The following ILF2 variants were observed in gnomAD, a reference collection of about 807,000 sequenced individuals.
The protein encoded by ILF2 is interleukin enhancer-binding factor 2.
In ILF2, 9 loss-of-function variants were observed where a neutral mutation model predicts 55.3. That is an observed-to-expected ratio of 0.16 (90% CI 0.10 to 0.28). The LOEUF (loss-of-function observed/expected upper bound fraction) is 0.28. Ranked by LOEUF, ILF2 falls within the 10% of genes least tolerant of loss-of-function variation. ILF2 has a pLI of 1.00. For synonymous variants in ILF2, 151 were observed against 161.8 expected, an observed-to-expected ratio of 0.93 and a Z score of 0.50; for missense variants, 266 against 474.9, an observed-to-expected ratio of 0.56 and a Z score of 4.09.
rs1669220271 is a variant in ILF2 at position 153,663,255 on chromosome 1, T to G, written c.766A>C (p.Asn256His). ...DLLGHYAVMN[N>H]PTRQPLALNV... is the part of the protein sequence containing the mutation. The stretch of plus-strand genomic sequence containing the variant: ...AGGGCCAAAGGCTGTCTGGTGGGGT[T>G]GTTCATCACAGCATAATGGCCCTGA... The change falls in exon 11 of 14, where the codon AAC becomes CAC. Residue 256 changes from asparagine (N) to histidine (H), a missense_variant. Transcript: ENST00000361891. The G allele has an allele frequency of 8.7e-6, 14 of 1,614,074 alleles. No homozygotes were observed. Among genetic ancestry groups the G allele is most frequent in the African/African-American group, 1.3e-5 (1 of 74,922 alleles).
intron 6 of ILF2, 161 bp downstream of exon 6, chr1:153,667,394 C>T: frequency 3.0e-6 from 2 of 657,444 alleles, no homozygotes; most frequent in Non-Finnish European, 5.5e-6. Context: ...GGGAAGATCA[C>T]TTGCTGTAGT....
chr1:153,669,014 G>A (rs1669380211), intron 3 of ILF2, among the ~76,000 whole-genome samples: 1 of 152,062 alleles, frequency 6.6e-6, no homozygotes, highest in Non-Finnish European at 1.5e-5. Flanking sequence ...AGATCAGCCT[G>A]GGCAACATGG....
In ILF2 at chr1:153,662,945, T is replaced by C. The variant is rs1346540566; in HGVS notation, c.921+74A>G. ...AAATTCCTGACCCGTAAAGACCATATTCCGCTTTGCCTGCTGAGCAGCAGT... is the reference window on the plus strand; with the variant it reads ...AAATTCCTGACCCGTAAAGACCATACTCCGCTTTGCCTGCTGAGCAGCAGT... On this transcript the variant is annotated intron_variant, in intron 12 of 13. Coordinates refer to ENST00000361891, the MANE Select transcript of ILF2 (RefSeq NM_004515.4). 16 of 1,399,934 alleles carry C rather than the reference T, an allele frequency of 1.1e-5. No homozygotes were observed. In the East Asian group the frequency reaches 3.7e-4, roughly 32 times the overall value. The allele number at this position is 1,399,934 out of a possible 1,614,324, so 86.7% of individuals were successfully genotyped here.
Position 153,665,260 on chromosome 1 carries a change from T to C in ILF2, c.537A>G (p.Thr179=), listed in dbSNP as rs779062816. The C allele has an allele frequency of 1.2e-6, 2 of 1,612,758 alleles. No individual in the cohort carries two copies. Among genetic ancestry groups the C allele is most frequent in the Non-Finnish European group, 1.7e-6 (2 of 1,178,852 alleles). Residue 179 remains threonine (T), a synonymous_variant, in exon 8 of 14, where the codon ACA becomes ACG. Transcript: ENST00000361891. ...SDATVKILIT[T]VPPNLRKLDP... ...CCAGTTTTCGAAGATTGGGTGGCAC[T>C]GTTGTAATGAGAATCTTCACTGTAG...
Position 153,667,981 on chromosome 1 carries a change from T to G in ILF2, c.291+19A>C. Reference sequence around the variant, plus strand: ...TACCAAAGCTGCCCTTTCCTAAAACTAAATCATCAAAAACTCACCACTTCA... The same window carrying G: ...TACCAAAGCTGCCCTTTCCTAAAACGAAATCATCAAAAACTCACCACTTCA... On this transcript the variant is annotated intron_variant, in intron 5 of 13. Transcript: ENST00000361891. The G allele has an allele frequency of 6.3e-7, 1 of 1,579,688 alleles. No individual in the cohort carries two copies. Among genetic ancestry groups the G allele is most frequent in the Non-Finnish European group, 8.6e-7 (1 of 1,156,654 alleles).
chr1:153,664,848 G>A (rs939240608), intron 8 of ILF2, among the ~76,000 whole-genome samples: 3 of 152,144 alleles, frequency 2.0e-5, no homozygotes, highest in Admixed American at 6.5e-5. Context: ...GTGAGCCACC[G>A]CACCCGACCA....
Position 153,665,257 on chromosome 1 carries a change from C to T in ILF2, c.540G>A (p.Val180=). Residue 180 remains valine, a synonymous_variant, in exon 8 of 14, where the codon GTG becomes GTA. Coordinates refer to ENST00000361891, the MANE Select transcript of ILF2 (RefSeq NM_004515.4). ...GATCCAGTTTTCGAAGATTGGGTGG[C>T]ACTGTTGTAATGAGAATCTTCACTG... The part of the protein sequence containing the change: ...DATVKILITT[V]PPNLRKLDPE... 1 of 1,612,500 alleles carries T rather than the reference C, an allele frequency of 6.2e-7. No homozygotes were observed. The highest frequency in any genetic ancestry group is 8.5e-7 in the Non-Finnish European group (1 of 1,178,534).
intron 10 of ILF2, 88 bp downstream of exon 10, chr1:153,663,955 G>C (rs1669240622): frequency 6.5e-6 from 4 of 615,416 alleles, no homozygotes; most frequent in Non-Finnish European, 1.0e-5. Flanking sequence ...GAATTTCAGA[G>C]TTACTACTAC....
intron 6 of ILF2, 132 bp downstream of exon 6, chr1:153,667,423 G>A (rs1016950429): frequency 2.8e-6 from 2 of 715,616 alleles, no homozygotes; most frequent in Non-Finnish European, 5.1e-6. Context: ...AGGCTGCAGT[G>A]AGCTACAATG....
chr1:153,664,388 G>T lies in ILF2; in HGVS notation c.656+8C>A. 3 of 1,609,174 alleles carry T rather than the reference G, an allele frequency of 1.9e-6. No individual in the cohort carries two copies. The South Asian group carries it at 3.3e-5, about 18-fold the overall frequency. On this transcript the variant is annotated splice_region_variant and intron_variant, in intron 9 of 13. Coordinates refer to ENST00000361891, the MANE Select transcript of ILF2 (RefSeq NM_004515.4). ...TATCTTAATCCAAATGGTTAGAGAG[G>T]GACTCACGTGGACTGAGAAGCATTT...
chr1:153,662,441 T>C lies in ILF2; in HGVS notation c.1128A>G (p.Glu376=), dbSNP rs1231883411. The C allele has an allele frequency of 6.2e-7, 1 of 1,612,368 alleles. No homozygotes were observed. The highest frequency in any genetic ancestry group is 2.2e-5 in the East Asian group (1 of 44,892). ...EGEEEEENTE[E]PPQGEEEESM... ...TTTCTTCTTCCTCTCCTTGAGGTGGTTCTTCTGTATTCTCCTCTTCTTCCT... is the reference window on the plus strand; with the variant it reads ...TTTCTTCTTCCTCTCCTTGAGGTGGCTCTTCTGTATTCTCCTCTTCTTCCT... Residue 376 remains glutamate, a synonymous_variant, in exon 14 of 14, where the codon GAA becomes GAG. Transcript: ENST00000361891.
At position 153,668,099 on chromosome 1, in the gene ILF2, T is replaced by A. The variant is rs774447713; in HGVS notation, c.214-22A>T. ...ATGCCTGAAAAACAGTATGAAACAA[T>A]ACTTGAAAATGAAAAATTATAAGCA... On this transcript the variant is annotated intron_variant, in intron 4 of 13. Coordinates refer to ENST00000361891, the MANE Select transcript of ILF2 (RefSeq NM_004515.4). 3 of 1,520,552 alleles carry A rather than the reference T, an allele frequency of 2.0e-6. No individual in the cohort carries two copies. The African/African-American group carries it at 4.2e-5, about 21-fold the overall frequency. The allele number at this position is 1,520,552 out of a possible 1,614,324, so 94.2% of individuals were successfully genotyped here.
At chr1:153,670,851 T>C in intron 1 of ILF2, 67 bp downstream of exon 1, 3 of 1,601,320 alleles carry the variant, frequency 1.9e-6, no homozygotes, top group Non-Finnish European at 2.6e-6. Context: ...TCCGACTTCT[T>C]TCGGCCCACG....
rs200078911 is a variant in ILF2 at position 153,670,956 on chromosome 1, C to T, written c.-34G>A. ...AAAACACGAACAATGGAGGCCGCAC[C>T]AACCGCCCCTTCCTCTGAGTAGCAG... On this transcript the variant is annotated 5_prime_UTR_variant, in exon 1 of 14. Transcript: ENST00000361891. 4 of 1,614,004 alleles carry T rather than the reference C, an allele frequency of 2.5e-6. No homozygotes were observed. The highest frequency in any genetic ancestry group is 2.7e-5 in the African/African-American group (2 of 74,920).
At chr1:153,663,669 A>C (rs1449866785) in intron 10 of ILF2, among the ~76,000 whole-genome samples, 2 of 152,084 alleles carry the variant, frequency 1.3e-5, no homozygotes, top group Non-Finnish European at 2.9e-5. Flanking sequence ...GTCTAAGTCT[A>C]GCCAAAATTT....
intron 8 of ILF2, 137 bp from the exon 9 acceptor site, chr1:153,664,611 G>A (rs915047235): frequency 2.7e-5 from 19 of 691,654 alleles, no homozygotes; most frequent in African/African-American, 1.1e-4. Context: ...GCTGGATTGC[G>A]TACAGTGGCG....
Position 153,663,062 on chromosome 1 carries a change from C to G in ILF2, c.878G>C (p.Ser293Thr). Residue 293 changes from serine to threonine, a missense_variant, in exon 12 of 14, where the codon AGT becomes ACT. Coordinates refer to ENST00000361891, the MANE Select transcript of ILF2 (RefSeq NM_004515.4). ...GACTGTGTGTACTCTAAAGTTGCCA[C>G]TCTCACAGGGGTCAGTGATACCCAC... ...GSVGITDPCE[S>T]GNFRVHTVMT... 1 of 1,614,150 alleles carries G rather than the reference C, an allele frequency of 6.2e-7. No homozygotes were observed. The highest frequency in any genetic ancestry group is 8.5e-7 in the Non-Finnish European group (1 of 1,180,002).
chr1:153,666,002 T>C (rs1310398203), intron 6 of ILF2, among the ~76,000 whole-genome samples: 1 of 152,118 alleles, frequency 6.6e-6, no homozygotes, highest in East Asian at 1.9e-4. Flanking sequence ...TAGACAAATC[T>C]TTGGGGTGAT....
chr1:153,668,834 T>C (rs886471356), intron 3 of ILF2, among the ~76,000 whole-genome samples: 6 of 149,784 alleles, frequency 4.0e-5, no homozygotes, highest in African/African-American at 1.5e-4. Flanking sequence ...GGAAGCGAGG[T>C]TGCAGTGAGC....
Sources: allele counts gnomAD v4.1 joint callset (sites outside exome capture counted in the v4.1 genomes callset), GRCh38; gene constraint gnomAD v4.1.1; transcripts MANE v1.5; gene names NCBI Gene and HGNC (gene_info 2026-07-23, HGNC 2026-07-21).